The following CRACD variants were observed in gnomAD, a reference collection of about 807,000 sequenced individuals.
CRACD encodes capping protein inhibiting regulator of actin dynamics.
In CRACD, 56 loss-of-function variants were observed where a neutral mutation model predicts 106.8. The ratio of observed to expected loss-of-function variants is 0.52; its 90% CI spans 0.42 to 0.66. The LOEUF (loss-of-function observed/expected upper bound fraction) is 0.66. Among genes scored for constraint, CRACD ranks in the 30% least tolerant of loss-of-function variants. The probability of loss-of-function intolerance (pLI) is 0.00; values close to 1 mark genes in which losing one functional copy is unlikely to be tolerated. For synonymous variants in CRACD, 754 were observed against 670.8 expected, an observed-to-expected ratio of 1.12 and a Z score of -1.92; for missense variants, 1,730 against 1,623.2, an observed-to-expected ratio of 1.07 and a Z score of -1.13.
intron 7 of CRACD, 137 bp from the exon 8 acceptor site, chr4:56,313,903 C>A (rs1745319556): frequency 8.7e-7 from 1 of 1,153,442 alleles, no homozygotes; most frequent in Non-Finnish European, 1.2e-6. Context: ...CTGAGTTTAG[C>A]TATCCCTGAA....
intron 3 of CRACD, among the ~76,000 whole-genome samples, chr4:56,272,840 A>G (rs938708965): frequency 6.6e-6 from 1 of 150,540 alleles, no homozygotes; most frequent in African/African-American, 2.5e-5. Flanking sequence ...TGGAGGTTGC[A>G]GTGAGCTGAG....
At chr4:56,282,453 T>TTC (rs1444091849) in intron 3 of CRACD, among the ~76,000 whole-genome samples, 1 of 152,202 alleles carries the variant, frequency 6.6e-6, no homozygotes, top group Non-Finnish European at 1.5e-5. Flanking sequence ...TGCCCAGTGC[T>TTC]TAGAAGAGTG....
intron 1 of CRACD, among the ~76,000 whole-genome samples, chr4:56,133,720 A>G (rs1734901343): frequency 6.6e-6 from 1 of 152,254 alleles, no homozygotes; most frequent in Non-Finnish European, 1.5e-5. Flanking sequence ...GGTTGAAACA[A>G]GGATATGATT....
chr4:56,319,213 C>T (rs1006699498), intron 8 of CRACD, among the ~76,000 whole-genome samples: 1 of 152,124 alleles, frequency 6.6e-6, no homozygotes, highest in Non-Finnish European at 1.5e-5. Flanking sequence ...GCCTTCCCAG[C>T]TTCCCTGGAG....
In CRACD at chr4:56,324,256, G is replaced by A. The variant is rs368466580; in HGVS notation, c.3531G>A (p.Thr1177=). The change falls in exon 10 of 11, where the codon ACG becomes ACA. Residue 1177 remains threonine (T), a synonymous_variant. Coordinates refer to ENST00000682029, the MANE Select transcript of CRACD (RefSeq NM_001393381.1). ...TGAAAAAGGCCAATACTCTTCCTACGTCTGTGACAGGTAGAGAGCAGGTCC... is the reference window on the plus strand; with the variant it reads ...TGAAAAAGGCCAATACTCTTCCTACATCTGTGACAGGTAGAGAGCAGGTCC... ...EQLKKANTLP[T]SVTVEISDSA... 2.2e-5 allele frequency: 36 copies of A among 1,612,896 alleles called. No individual in the cohort carries two copies. Among genetic ancestry groups the A allele is most frequent in the Admixed American group, 1.8e-4 (11 of 59,880 alleles).
intron 3 of CRACD, among the ~76,000 whole-genome samples, chr4:56,278,653 A>G (rs1420449414): frequency 6.6e-6 from 1 of 152,232 alleles, no homozygotes; most frequent in African/African-American, 2.4e-5. Flanking sequence ...GTTGGACTAC[A>G]TCAAAATTAA....
Position 56,159,280 on chromosome 4 carries a change from C to T in CRACD, c.-335-20004C>T, listed in dbSNP as rs558628826. On this transcript the variant is annotated intron_variant, in intron 1 of 10. Transcript: ENST00000682029. ...AATAAAAATTTATACATTTATAGAG[C>T]GGGTCTCTGTAGTCAGCTATATACA... 2.6e-5 allele frequency among the ~76,000 whole-genome samples: 4 copies of T among 152,274 alleles called. No homozygotes were observed. In the East Asian group the frequency reaches 5.8e-4, roughly 22 times the overall value.
chr4:56,209,466 T>G (rs1039407150), intron 2 of CRACD, among the ~76,000 whole-genome samples: 1 of 152,170 alleles, frequency 6.6e-6, no homozygotes, highest in Non-Finnish European at 1.5e-5. Flanking sequence ...TACATCTAGT[T>G]GTTTTAATTA....
chr4:56,287,002 G>A (rs111396108), intron 3 of CRACD, among the ~76,000 whole-genome samples: 14 of 152,144 alleles, frequency 9.2e-5, no homozygotes, highest in Admixed American at 6.5e-4. Flanking sequence ...CCAGGCCTCC[G>A]CTGAGTTTCC....
chr4:56,076,014 G>A (rs1192776250), intron 1 of CRACD, among the ~76,000 whole-genome samples: 1 of 152,170 alleles, frequency 6.6e-6, no homozygotes, highest in Non-Finnish European at 1.5e-5. Context: ...CTGGAAGAAT[G>A]TTTCCCTTCA....
intron 5 of CRACD, chr4:56,309,121 G>C: frequency 2.4e-6 from 1 of 409,954 alleles, no homozygotes; most frequent in Non-Finnish European, 4.9e-6. Flanking sequence ...TGAGTAACTT[G>C]GTGGTGGAGA....
intron 2 of CRACD, among the ~76,000 whole-genome samples, chr4:56,252,357 T>C (rs1210077026): frequency 6.6e-6 from 1 of 152,170 alleles, no homozygotes; most frequent in African/African-American, 2.4e-5. Flanking sequence ...CCAGGGATTT[T>C]TTTTTCCCCT....
chr4:56,321,730 T>C (rs1032220381), intron 8 of CRACD, among the ~76,000 whole-genome samples: 1 of 152,228 alleles, frequency 6.6e-6, no homozygotes, highest in South Asian at 2.1e-4. Flanking sequence ...AAATTCAGTT[T>C]TGTTTTAAAA....
intron 1 of CRACD, among the ~76,000 whole-genome samples, chr4:56,128,689 C>G (rs960234234): frequency 2.0e-5 from 3 of 152,060 alleles, no homozygotes; most frequent in African/African-American, 7.2e-5. Flanking sequence ...ATGCTTTGAG[C>G]CCAGGAATTT....
intron 1 of CRACD, among the ~76,000 whole-genome samples, chr4:56,071,045 C>T (rs1157701164): frequency 6.6e-6 from 1 of 151,964 alleles, no homozygotes; most frequent in Non-Finnish European, 1.5e-5. Flanking sequence ...ACTACCTTGC[C>T]GTAAAAAGAG....
chr4:56,054,419 A>G (rs1731984282), intron 1 of CRACD, among the ~76,000 whole-genome samples: 1 of 152,070 alleles, frequency 6.6e-6, no homozygotes, highest in Admixed American at 6.6e-5. Flanking sequence ...CAAGTGATCT[A>G]CCTGCCTTGC....
intron 10 of CRACD, among the ~76,000 whole-genome samples, chr4:56,325,313 C>T (rs147353937): frequency 1.2e-3 from 187 of 152,252 alleles, no homozygotes; most frequent in African/African-American, 4.1e-3. Flanking sequence ...CCAGCCTGAG[C>T]GACAGACTGT....
At chr4:56,222,238 G>T (rs992442540) in intron 2 of CRACD, among the ~76,000 whole-genome samples, 2 of 152,196 alleles carry the variant, frequency 1.3e-5, no homozygotes, top group Non-Finnish European at 2.9e-5. Context: ...AATGTCTTTT[G>T]CAATGACTTG....
chr4:56,109,921 A>G (rs535996011), intron 1 of CRACD, among the ~76,000 whole-genome samples: 34 of 152,292 alleles, frequency 2.2e-4, no homozygotes, highest in African/African-American at 7.9e-4. Context: ...GTAAGTTATC[A>G]AGGAAATAAT....
Sources: allele counts gnomAD v4.1 joint callset (sites outside exome capture counted in the v4.1 genomes callset), GRCh38; gene constraint gnomAD v4.1.1; transcripts MANE v1.5; gene names NCBI Gene and HGNC (gene_info 2026-07-23, HGNC 2026-07-21).